Variants in CDH13 observed in about 807,000 individuals in gnomAD.
The protein encoded by CDH13 is cadherin-13.
Under a neutral mutation model 63.8 loss-of-function variants are expected in CDH13, and 24 were observed. That is an observed-to-expected ratio of 0.38 (90% CI 0.27 to 0.53). The LOEUF (loss-of-function observed/expected upper bound fraction) is 0.53, where lower values mean the gene tolerates loss of function less well. Among genes scored for constraint, CDH13 ranks in the 20% least tolerant of loss-of-function variants. The pLI is 0.85. For synonymous variants in CDH13, 503 were observed against 355.3 expected (o/e 1.42, Z -4.67); for missense variants, 1,049 against 903.1 (o/e 1.16, Z -2.07).
At chr16:83,091,051 C>A (rs1396588596) in intron 3 of CDH13, among the ~76,000 whole-genome samples, 1 of 151,930 alleles carries the variant, frequency 6.6e-6, no homozygotes, top group Non-Finnish European at 1.5e-5. Context: ...GCTACATGAT[C>A]TTTGTAAATA....
intron 2 of CDH13, among the ~76,000 whole-genome samples, chr16:82,997,041 ATG>A (rs376122652): frequency 0.025 from 3,740 of 148,546 alleles, 122 homozygotes; most frequent in African/African-American, 0.079. Context: ...GGTGGTGATG[ATG>A]ATGATGATGA....
intron 5 of CDH13, among the ~76,000 whole-genome samples, chr16:83,218,354 T>G (rs2039600266): frequency 6.6e-6 from 1 of 152,234 alleles, no homozygotes; most frequent in South Asian, 2.1e-4. Flanking sequence ...TGCGGGTGCT[T>G]TCCAGATGTC....
At chr16:83,738,842 G>T (rs572764527) in intron 10 of CDH13, among the ~76,000 whole-genome samples, 1 of 152,298 alleles carries the variant, frequency 6.6e-6, no homozygotes, top group East Asian at 1.9e-4. Context: ...GGAGGCGGAG[G>T]TTGCGGTGAG....
chr16:83,132,654 C>G lies in CDH13; in HGVS notation c.483+7153C>G, dbSNP rs150575453. On this transcript the variant is annotated intron_variant, in intron 4 of 13. Coordinates refer to ENST00000567109, the MANE Select transcript of CDH13 (RefSeq NM_001257.5). ...AGAGACAGGGTTTCACCATGTTGGC[C>G]AGACTCATCTGGATCCATCTGCCTC... Among the ~76,000 whole-genome samples, 65 of 152,142 alleles carry G rather than the reference C, an allele frequency of 4.3e-4. 1 individual carries two copies. In the East Asian group the frequency reaches 0.011, roughly 26 times the overall value.
At chr16:83,303,542 C>G (rs1049154902) in intron 5 of CDH13, among the ~76,000 whole-genome samples, 1 of 152,112 alleles carries the variant, frequency 6.6e-6, no homozygotes, top group Non-Finnish European at 1.5e-5. Flanking sequence ...TTTCCAGGCT[C>G]TTTGTCATAA....
chr16:83,191,508 C>CAT (rs1464187204), intron 4 of CDH13, among the ~76,000 whole-genome samples: 3 of 70,122 alleles, frequency 4.3e-5, no homozygotes, highest in African/African-American at 9.7e-5. Context: ...TATATATACA[C>CAT]ACACACACAC....
intron 1 of CDH13, among the ~76,000 whole-genome samples, chr16:82,763,813 G>C (rs2034946185): frequency 6.6e-6 from 1 of 152,178 alleles, no homozygotes; most frequent in African/African-American, 2.4e-5. Context: ...CTCCCCAGTA[G>C]CTGGGACTAT....
rs774549982 is a variant in CDH13, at chr16:83,125,439, G to C, written c.421G>C (p.Val141Leu). ...TGTCCCAAGACAAAAGAGGTCCATT[G>C]TGGTATCTCCCATTTTAATTCCAGA... ...SPVPRQKRSI[V>L]VSPILIPENQ... is the part of the protein sequence containing the mutation. The change falls in exon 4 of 14, where the codon GTG becomes CTG. Residue 141 changes from valine to leucine, a missense_variant. Coordinates refer to ENST00000567109, the MANE Select transcript of CDH13 (RefSeq NM_001257.5). 2.5e-6 allele frequency: 4 copies of C among 1,612,548 alleles called. No homozygotes were observed. In the South Asian group the frequency reaches 3.3e-5, roughly 13 times the overall value.
At chr16:83,571,833 T>C (rs983226773) in intron 7 of CDH13, among the ~76,000 whole-genome samples, 73 of 152,312 alleles carry the variant, frequency 4.8e-4, no homozygotes, top group Admixed American at 4.8e-3. Context: ...AGAAACTACC[T>C]ACCAAACTGG....
At chr16:83,261,532 G>C (rs1040670477) in intron 5 of CDH13, among the ~76,000 whole-genome samples, 4 of 152,042 alleles carry the variant, frequency 2.6e-5, no homozygotes, top group African/African-American at 7.3e-5. Context: ...GTATCTATTA[G>C]TATCTATTTC....
intron 6 of CDH13, among the ~76,000 whole-genome samples, chr16:83,379,540 A>C (rs1439257536): frequency 1.3e-5 from 2 of 152,286 alleles, no homozygotes; most frequent in East Asian, 3.9e-4. Flanking sequence ...GAGTTTGATC[A>C]CTCAGCCCAC....
At chr16:83,374,859 CA>C (rs2091433392) in intron 6 of CDH13, among the ~76,000 whole-genome samples, 1 of 152,174 alleles carries the variant, frequency 6.6e-6, no homozygotes, top group South Asian at 2.1e-4. Flanking sequence ...TGCTGCAAGC[CA>C]GCCAGATCCT....
At chr16:83,274,732 G>A (rs1434629387) in intron 5 of CDH13, among the ~76,000 whole-genome samples, 1 of 152,064 alleles carries the variant, frequency 6.6e-6, no homozygotes, top group Non-Finnish European at 1.5e-5. Flanking sequence ...TGGCAGGGGG[G>A]GTGTTTATTA....
At chr16:83,518,392 G>A (rs550732984) in intron 7 of CDH13, among the ~76,000 whole-genome samples, 35 of 151,782 alleles carry the variant, frequency 2.3e-4, no homozygotes, top group African/African-American at 7.0e-4. Context: ...TGATCCACCC[G>A]CCTCGGCCTC....
At chr16:83,102,161 G>C (rs902985301) in intron 3 of CDH13, among the ~76,000 whole-genome samples, 4 of 152,166 alleles carry the variant, frequency 2.6e-5, no homozygotes, top group Non-Finnish European at 5.9e-5. Flanking sequence ...AGTTGGAGAA[G>C]GCAAGGATAC....
At chr16:83,701,513 C>G (rs11865793) in intron 10 of CDH13, among the ~76,000 whole-genome samples, 72 of 151,732 alleles carry the variant, frequency 4.7e-4, no homozygotes, top group Non-Finnish European at 9.3e-4. Context: ...ATGCTTTCGC[C>G]GTGTGGGAGA....
At chr16:82,942,703 A>G (rs758059622) in intron 2 of CDH13, among the ~76,000 whole-genome samples, 2 of 152,190 alleles carry the variant, frequency 1.3e-5, no homozygotes, top group Non-Finnish European at 2.9e-5. Context: ...GCCCAAGAAG[A>G]AGTCAAATAA....
chr16:82,899,772 TCTC>T (rs1284064292), intron 2 of CDH13, among the ~76,000 whole-genome samples: 1 of 152,172 alleles, frequency 6.6e-6, no homozygotes, highest in Non-Finnish European at 1.5e-5. Context: ...AAAGCCACAA[TCTC>T]CTCCTCCAAA....
intron 5 of CDH13, among the ~76,000 whole-genome samples, chr16:83,303,536 C>T (rs1251750270): frequency 1.3e-5 from 2 of 152,144 alleles, no homozygotes; most frequent in Non-Finnish European, 2.9e-5. Flanking sequence ...GTTTAATTTC[C>T]AGGCTCTTTG....
Sources: gnomAD v4.1 joint callset for allele counts (sites outside exome capture counted in the v4.1 genomes callset) on GRCh38, gnomAD v4.1.1 for gene constraint, MANE v1.5 for transcripts, NCBI Gene and HGNC (gene_info 2026-07-23, HGNC 2026-07-21) for gene names.